SASH1: variants seen among roughly 807,000 people sequenced by gnomAD.
The protein encoded by SASH1 is SAM and SH3 domain-containing protein 1.
SASH1 carries 44 observed loss-of-function variants against 125.2 expected under a neutral mutation model. That is an observed-to-expected ratio of 0.35 (90% CI 0.28 to 0.45). SASH1 has a LOEUF of 0.45. Among genes scored for constraint, SASH1 ranks in the 20% least tolerant of loss-of-function variants. The pLI, the probability that SASH1 is intolerant of heterozygous loss-of-function variation, is 1.00. For synonymous variants in SASH1, 639 were observed against 649.1 expected (o/e 0.98, Z 0.24); for missense variants, 1,426 against 1,614.5 (o/e 0.88, Z 2.00).
At chr6:148,211,128 A>G in the SASH1 span, among the ~76,000 whole-genome samples, 2 of 152,248 alleles carry the variant, frequency 1.3e-5, no homozygotes, top group East Asian at 3.8e-4. Context: ...TACCTACCTC[A>G]GAAACAATTA....
chr6:148,305,272 A>C (rs987354141), intron 1 of SASH1, among the ~76,000 whole-genome samples: 1 of 152,154 alleles, frequency 6.6e-6, no homozygotes, highest in African/African-American at 2.4e-5. Context: ...CTGAGTTTAC[A>C]ATCAGAAGCT....
At chr6:148,222,504 T>A in the SASH1 span, among the ~76,000 whole-genome samples, 1 of 151,936 alleles carries the variant, frequency 6.6e-6, no homozygotes, top group Non-Finnish European at 1.5e-5. Context: ...TTCTGCCCCA[T>A]AGAGCTGCTG....
At chr6:148,236,968 C>T in the SASH1 span, among the ~76,000 whole-genome samples, 14 of 152,196 alleles carry the variant, frequency 9.2e-5, no homozygotes, top group Non-Finnish European at 1.6e-4. Context: ...CTCTCTGGCC[C>T]TTCCACCATG....
chr6:148,509,623 A>G (rs372826577), intron 8 of SASH1, among the ~76,000 whole-genome samples: 18 of 152,174 alleles, frequency 1.2e-4, no homozygotes, highest in East Asian at 3.9e-4. Context: ...TGCTTGCACA[A>G]CTGTGCCATA....
At chr6:148,418,696 G>C (rs13193483) in intron 2 of SASH1, among the ~76,000 whole-genome samples, 8,265 of 152,262 alleles carry the variant, frequency 0.054, 255 homozygotes, top group East Asian at 0.078. Flanking sequence ...GTGAGCAACC[G>C]ATAGCCTGTG....
At chr6:148,309,484 C>T (rs1375839528) in intron 1 of SASH1, among the ~76,000 whole-genome samples, 1 of 152,052 alleles carries the variant, frequency 6.6e-6, no homozygotes, top group African/African-American at 2.4e-5. Flanking sequence ...CCATATCCAC[C>T]CACTAGTTCT....
chr6:148,476,677 C>A (rs766500186), intron 7 of SASH1, among the ~76,000 whole-genome samples: 1 of 151,938 alleles, frequency 6.6e-6, no homozygotes, highest in Non-Finnish European at 1.5e-5. Context: ...GAATCCATCC[C>A]CCCCAACCCC....
chr6:148,444,155 C>T (rs1032246770), intron 4 of SASH1, among the ~76,000 whole-genome samples: 2 of 152,220 alleles, frequency 1.3e-5, no homozygotes, highest in Admixed American at 6.5e-5. Flanking sequence ...GATCCAGTCT[C>T]CCAGCTTGTC....
chr6:148,229,140 A>AC, the SASH1 span, among the ~76,000 whole-genome samples: 2 of 117,786 alleles, frequency 1.7e-5, no homozygotes, highest in African/African-American at 6.0e-5. Flanking sequence ...TCTCAAAAAA[A>AC]AAAAAAAAAA....
chr6:148,335,373 G>A (rs1013282084), intron 1 of SASH1, among the ~76,000 whole-genome samples: 2 of 151,226 alleles, frequency 1.3e-5, no homozygotes, highest in African/African-American at 4.9e-5. Flanking sequence ...GCTGAGGCAG[G>A]GGAATTGCTT....
intron 1 of SASH1, among the ~76,000 whole-genome samples, chr6:148,382,446 C>T (rs142389892): frequency 5.9e-5 from 9 of 152,244 alleles, no homozygotes; most frequent in East Asian, 1.9e-4. Flanking sequence ...CCCACCACCA[C>T]GCCTGGCTAA....
chr6:148,524,121 A>ATATATATATATATATATTTTT (rs1193506716), intron 10 of SASH1, among the ~76,000 whole-genome samples: 6 of 128,598 alleles, frequency 4.7e-5, no homozygotes, highest in East Asian at 4.5e-4. Flanking sequence ...ATATATATAT[A>ATATATATATATATATATTTTT]TTTTTTTTAA....
At chr6:148,327,337 T>C (rs1286424779) in intron 1 of SASH1, among the ~76,000 whole-genome samples, 11 of 150,754 alleles carry the variant, frequency 7.3e-5, no homozygotes. Flanking sequence ...CAGGCTAGAG[T>C]GCAGTAGCAC....
Position 148,544,108 on chromosome 6 carries a change from C to T in SASH1, c.2638C>T (p.Gln880Ter). The change falls in exon 18 of 20, where the codon CAG (glutamine) becomes TAG (stop). Residue 880 changes from glutamine (Q) to a stop codon, truncating the protein, a stop_gained. Transcript: ENST00000367467. LOFTEE classifies it high-confidence loss of function. The surrounding 1 kb of genome is among the most constrained non-coding windows in gnomAD (Gnocchi z 6.4). The stretch of plus-strand genomic sequence containing the variant: ...GACGACCGCCTCTTCCACGAAGGCC[C>T]AGCCCCTGGAGCAAGACTCTGCTGT... Reference protein sequence around the residue: ...QKTTASSTKAQPLEQDSAVDN... With the variant: ...QKTTASSTKA The T allele has an allele frequency of 1.9e-6, 3 of 1,614,076 alleles. No homozygotes were observed. Among genetic ancestry groups the T allele is most frequent in the Non-Finnish European group, 2.5e-6 (3 of 1,179,994 alleles).
chr6:148,234,515 G>A, the SASH1 span, among the ~76,000 whole-genome samples: 2 of 151,990 alleles, frequency 1.3e-5, no homozygotes, highest in East Asian at 3.9e-4. Flanking sequence ...CTTGGGGTGG[G>A]GAGGTGAGGA....
At chr6:148,370,783 A>G (rs764341561) in intron 1 of SASH1, among the ~76,000 whole-genome samples, 5 of 152,154 alleles carry the variant, frequency 3.3e-5, no homozygotes, top group Admixed American at 6.5e-5. Context: ...AGATCACACC[A>G]CTGTACTTCA....
At chr6:148,373,094 G>A (rs1018986980) in intron 1 of SASH1, among the ~76,000 whole-genome samples, 2 of 152,108 alleles carry the variant, frequency 1.3e-5, no homozygotes, top group African/African-American at 2.4e-5. Flanking sequence ...GGGAGGCTGA[G>A]GCAGGAGAAT....
Position 148,544,386 on chromosome 6 carries a change from T to C in SASH1, c.2916T>C (p.Ala972=), listed in dbSNP as rs779019839. ...TGGGCACCAAAGAAGGGGTAGATGC[T>C]GAGCAGAGAATGCAGCCCAAAATTC... The part of the protein sequence containing the change: ...HPLGTKEGVD[A]EQRMQPKIPS... The change falls in exon 18 of 20, where the codon GCT becomes GCC. Residue 972 remains alanine (A), a synonymous_variant. Transcript: ENST00000367467. The surrounding 1 kb of genome is among the most constrained non-coding windows in gnomAD (Gnocchi z 6.4). 1 of 1,614,180 alleles carries C rather than the reference T, an allele frequency of 6.2e-7. No individual in the cohort carries two copies. The highest frequency in any genetic ancestry group is 1.1e-5 in the South Asian group (1 of 91,088).
At chr6:148,420,553 T>G (rs1377684711) in intron 2 of SASH1, among the ~76,000 whole-genome samples, 1 of 152,192 alleles carries the variant, frequency 6.6e-6, no homozygotes, top group Non-Finnish European at 1.5e-5. Flanking sequence ...TACATGCCAC[T>G]GTTTATATAT....
Sources: allele counts gnomAD v4.1 joint callset (sites outside exome capture counted in the v4.1 genomes callset), GRCh38; gene constraint gnomAD v4.1.1; non-coding constraint Gnocchi (gnomAD v3.1); transcripts MANE v1.5; gene names NCBI Gene and HGNC (gene_info 2026-07-23, HGNC 2026-07-21).